HDLBP: variants seen among roughly 807,000 people sequenced by gnomAD.
HDLBP encodes the protein high density lipoprotein binding protein.
Under a neutral mutation model 137.3 loss-of-function variants are expected in HDLBP, and 30 were observed. That is an observed-to-expected ratio of 0.22 (90% CI 0.16 to 0.30). The LOEUF (loss-of-function observed/expected upper bound fraction) is 0.30, where lower values mean the gene tolerates loss of function less well. Ranked by LOEUF, HDLBP falls within the 10% of genes least tolerant of loss-of-function variation. The probability of loss-of-function intolerance (pLI) is 1.00; values close to 1 mark genes in which losing one functional copy is unlikely to be tolerated. For missense variants in HDLBP, 1,119 were observed against 1,667.3 expected (o/e 0.67, Z 5.73); for synonymous variants, 606 against 596.0 (o/e 1.02, Z -0.24).
intron 1 of HDLBP, among the ~76,000 whole-genome samples, chr2:241,277,923 T>C (rs2074455794): frequency 6.6e-6 from 1 of 152,056 alleles, no homozygotes; most frequent in African/African-American, 2.4e-5. Context: ...ACCACGCCAT[T>C]GCACTCCAGT....
Position 241,264,483 on chromosome 2 carries a change from T to C in HDLBP, c.199A>G (p.Lys67Glu), listed in dbSNP as rs757187077. The change falls in exon 4 of 28, where the codon AAG becomes GAG. Residue 67 changes from lysine to glutamate, a missense_variant. This residue lies in a region of HDLBP where 59 missense variants were observed against 92.4 expected (regional missense o/e 0.64). Transcript: ENST00000310931. ...AQEPAGAWGN[K>E]IRPIKASVIT... ...ACAGAAGCCTTGATGGGTCGGATCT[T>C]GTTCCCCCAGGCTCCAGCGGGTTCC... The C allele has an allele frequency of 2.5e-6, 4 of 1,613,720 alleles. No homozygotes were observed. The highest frequency in any genetic ancestry group is 3.3e-5 in the Admixed American group (2 of 60,008).
chr2:241,272,142 C>A lies in HDLBP; in HGVS notation c.-102-3601G>T. The A allele has an allele frequency of 1.0e-6, 1 of 982,550 alleles. No individual in the cohort carries two copies. Among genetic ancestry groups the A allele is most frequent in the Non-Finnish European group, 1.2e-6 (1 of 827,280 alleles). The allele number at this position is 982,550 out of a possible 1,614,324, so 60.9% of individuals were successfully genotyped here. A position where few individuals can be genotyped will look rare whatever the true frequency, so the allele number is the denominator to read the frequency against. On this transcript the variant is annotated intron_variant, in intron 1 of 27. Transcript: ENST00000310931. The surrounding 1 kb of genome is among the most constrained non-coding windows in gnomAD (Gnocchi z 5.6). ...AGTTGCACTCCAGGCCCAAGAAGAGCAGCTTTCCCCACCCCCGAACACGTA... is the reference window on the plus strand; with the variant it reads ...AGTTGCACTCCAGGCCCAAGAAGAGAAGCTTTCCCCACCCCCGAACACGTA...
At chr2:241,231,025 A>T in intron 24 of HDLBP, 81 bp from the exon 25 acceptor site, 1 of 1,216,022 alleles carries the variant, frequency 8.2e-7, no homozygotes, top group South Asian at 1.3e-5. Flanking sequence ...CCCACTGCTG[A>T]GGAAAACAGC....
In HDLBP at chr2:241,246,746, C is replaced by T; in HGVS notation, c.1950+6G>A. On this transcript the variant is annotated splice_donor_region_variant and intron_variant, in intron 16 of 27. Coordinates refer to ENST00000310931, the MANE Select transcript of HDLBP (RefSeq NM_005336.6). Reference sequence around the variant, plus strand: ...AGGATCTCCATTAGAAAACATCTCCCATTACCAGGTCTTTCTGAATAGACA... The same window carrying T: ...AGGATCTCCATTAGAAAACATCTCCTATTACCAGGTCTTTCTGAATAGACA... The T allele has an allele frequency of 6.2e-7, 1 of 1,612,970 alleles. No individual in the cohort carries two copies. The highest frequency in any genetic ancestry group is 8.5e-7 in the Non-Finnish European group (1 of 1,179,444).
chr2:241,265,308 C>T (rs1057119277), intron 3 of HDLBP, among the ~76,000 whole-genome samples: 1 of 152,158 alleles, frequency 6.6e-6, no homozygotes, highest in Non-Finnish European at 1.5e-5. Context: ...ATCCCAGCTA[C>T]TCGGGAGGCT....
chr2:241,303,234 A>G (rs1055943265), intron 1 of HDLBP, among the ~76,000 whole-genome samples: 5 of 152,320 alleles, frequency 3.3e-5, no homozygotes, highest in South Asian at 4.1e-4. Flanking sequence ...CAGAAGGGCC[A>G]GGAAGAGCTG....
At chr2:241,310,519 C>T (rs773246497) in intron 1 of HDLBP, among the ~76,000 whole-genome samples, 24 of 151,888 alleles carry the variant, frequency 1.6e-4, no homozygotes, top group Non-Finnish European at 2.5e-4. Context: ...ACTTTGTACC[C>T]CCTAAATATG....
intron 11 of HDLBP, 32 bp downstream of exon 11, chr2:241,252,925 C>A (rs370650548): frequency 6.6e-7 from 1 of 1,512,782 alleles, no homozygotes; most frequent in Admixed American, 1.7e-5. Flanking sequence ...TCAGGGCACA[C>A]TGGCCCCACC....
In HDLBP at chr2:241,233,625, G is replaced by C. The variant is rs1209938774; in HGVS notation, c.3288+195C>G. ...TGCTCCAGGCCCCAGATGATACATA[G>C]TGCCAGAGACCTCACCCATCTGGCA... On this transcript the variant is annotated intron_variant, in intron 24 of 27. Coordinates refer to ENST00000310931, the MANE Select transcript of HDLBP (RefSeq NM_005336.6). The surrounding 1 kb of genome is among the most constrained non-coding windows in gnomAD (Gnocchi z 4.3). Among the ~76,000 whole-genome samples, 1 of 152,086 alleles carries C rather than the reference G, an allele frequency of 6.6e-6. No homozygotes were observed. The highest frequency in any genetic ancestry group is 2.4e-5 in the African/African-American group (1 of 41,390).
At chr2:241,249,645 T>A (rs558015150) in intron 12 of HDLBP, among the ~76,000 whole-genome samples, 196 bp downstream of exon 12, 1 of 152,330 alleles carries the variant, frequency 6.6e-6, no homozygotes, top group East Asian at 1.9e-4. Flanking sequence ...CACACAGCCA[T>A]GGAGAACAAG....
At chr2:241,299,443 C>T (rs2075309184) in intron 1 of HDLBP, among the ~76,000 whole-genome samples, 1 of 145,694 alleles carries the variant, frequency 6.9e-6, no homozygotes, top group Non-Finnish European at 1.5e-5. Context: ...CTACTTGAAC[C>T]CAGGAGGCAG....
Position 241,238,554 on chromosome 2 carries a change from A to ACAGGAAAGAGCCTCAC in HDLBP, c.2749+79_2749+94dup. On this transcript the variant is annotated intron_variant, in intron 20 of 27. Transcript: ENST00000310931. The surrounding 1 kb of genome is among the most constrained non-coding windows in gnomAD (Gnocchi z 4.9). ...ATACATAGATGGTTTTCCAGCAGAG[A>ACAGGAAAGAGCCTCAC]CAGGAAAGAGCCTCACCAGTATGTG... 1.0e-6 allele frequency: 1 copy of ACAGGAAAGAGCCTCAC among 991,226 alleles called. No individual in the cohort carries two copies. The allele number at this position is 991,226 out of a possible 1,614,324, so 61.4% of individuals were successfully genotyped here. A position where few individuals can be genotyped will look rare whatever the true frequency, so the allele number is the denominator to read the frequency against.
In HDLBP at chr2:241,268,365, G is replaced by T. The variant is rs544110193; in HGVS notation, c.-38+112C>A. The T allele has an allele frequency of 1.3e-5, 8 of 634,318 alleles. No homozygotes were observed. The Admixed American group carries it at 2.5e-4, about 20-fold the overall frequency. The allele number at this position is 634,318 out of a possible 1,614,324, so 39.3% of individuals were successfully genotyped here. On this transcript the variant is annotated intron_variant, in intron 2 of 27. Coordinates refer to ENST00000310931, the MANE Select transcript of HDLBP (RefSeq NM_005336.6). ...CTGACGAACCACGAGAAACTTGAAG[G>T]TGTGATATAAAGAAAGAAGGTACAC...
intron 11 of HDLBP, 109 bp from the exon 12 acceptor site, chr2:241,250,089 C>A: frequency 9.1e-7 from 1 of 1,103,646 alleles, no homozygotes; most frequent in East Asian, 2.6e-5. Context: ...ATCTGTGATT[C>A]CCATCACCAA....
intron 12 of HDLBP, chr2:241,249,454 C>T (rs2071943514): frequency 2.1e-6 from 1 of 484,316 alleles, no homozygotes; most frequent in Non-Finnish European, 4.2e-6. Flanking sequence ...AGAGCAACAG[C>T]CCCCACTTCA....
chr2:241,240,450 C>T lies in HDLBP; in HGVS notation c.2170-328G>A, dbSNP rs550140061. Among the ~76,000 whole-genome samples, 1 of 151,612 alleles carries T rather than the reference C, an allele frequency of 6.6e-6. No individual in the cohort carries two copies. The highest frequency in any genetic ancestry group is 2.4e-5 in the African/African-American group (1 of 41,416). On this transcript the variant is annotated intron_variant, in intron 17 of 27. Coordinates refer to ENST00000310931, the MANE Select transcript of HDLBP (RefSeq NM_005336.6). This position sits in a 1 kb window ranked among gnomAD's most constrained non-coding sequence, Gnocchi z 5.5. ...TCTGCACAGGGGGAGGTGGGAGCAACGCGCCGGACGATATGTTGGCGGAGT... is the reference window on the plus strand; with the variant it reads ...TCTGCACAGGGGGAGGTGGGAGCAATGCGCCGGACGATATGTTGGCGGAGT...
chr2:241,260,025 CAG>C (rs1193025539), intron 5 of HDLBP, among the ~76,000 whole-genome samples: 1 of 152,048 alleles, frequency 6.6e-6, no homozygotes, highest in African/African-American at 2.4e-5. Context: ...TATTTTGAGA[CAG>C]AGTTTTGCTC....
chr2:241,250,254 G>A (rs2072021648), intron 11 of HDLBP: 5 of 310,110 alleles, frequency 1.6e-5, no homozygotes, highest in African/African-American at 2.1e-5. Context: ...TGACGGTTGG[G>A]GCCACTCAGT....
At chr2:241,299,644 G>A (rs1368712541) in intron 1 of HDLBP, among the ~76,000 whole-genome samples, 8 of 151,980 alleles carry the variant, frequency 5.3e-5, no homozygotes, top group South Asian at 2.1e-4. Flanking sequence ...GGCGGGGCGC[G>A]GTGGCTCACG....
Sources: gnomAD v4.1 joint callset for allele counts (sites outside exome capture counted in the v4.1 genomes callset) on GRCh38, gnomAD v4.1.1 for gene constraint, gnomAD v4.1.1 regional missense constraint, Gnocchi (gnomAD v3.1) non-coding constraint, MANE v1.5 for transcripts, NCBI Gene and HGNC (gene_info 2026-07-23, HGNC 2026-07-21) for gene names.